Variants in KAZN observed in about 807,000 individuals in gnomAD.
The protein encoded by KAZN is kazrin, periplakin interacting protein, also known as kazrin.
In KAZN, 40 loss-of-function variants were observed where a neutral mutation model predicts 87.4. That is an observed-to-expected ratio of 0.46 (90% CI 0.36 to 0.60). The LOEUF is 0.60. Among genes scored for constraint, KAZN ranks in the 20% least tolerant of loss-of-function variants. The probability of loss-of-function intolerance (pLI) is 0.00; values close to 1 mark genes in which losing one functional copy is unlikely to be tolerated. For synonymous variants in KAZN, 466 were observed against 458.3 expected, an observed-to-expected ratio of 1.02 and a Z score of -0.22; for missense variants, 898 against 1,073.9, an observed-to-expected ratio of 0.84 and a Z score of 2.29.
At chr1:14,912,520 A>G (rs1379590198) in intron 1 of KAZN, among the ~76,000 whole-genome samples, 1 of 152,144 alleles carries the variant, frequency 6.6e-6, no homozygotes, top group East Asian at 1.9e-4. Context: ...AGCTGAAATT[A>G]CAGGTGCACG....
At chr1:14,428,256 A>G in intron 2 of KAZN, among the ~76,000 whole-genome samples, 1 of 152,152 alleles carries the variant, frequency 6.6e-6, no homozygotes, top group East Asian at 1.9e-4. Context: ...ATGAGCTCAG[A>G]GAGGCCCGTG....
chr1:14,726,295 C>A (rs933816226), intron 1 of KAZN, among the ~76,000 whole-genome samples: 1 of 152,214 alleles, frequency 6.6e-6, no homozygotes, highest in African/African-American at 2.4e-5. Flanking sequence ...GCAAAACAAC[C>A]AGGAGAATCA....
intron 2 of KAZN, among the ~76,000 whole-genome samples, chr1:14,391,806 T>C (rs1662459458): frequency 6.6e-6 from 1 of 152,180 alleles, no homozygotes; most frequent in South Asian, 2.1e-4. Context: ...CATTCCTGAG[T>C]AGTTATTTTT....
intron 1 of KAZN, among the ~76,000 whole-genome samples, chr1:14,697,522 C>A (rs554256167): frequency 2.2e-4 from 34 of 152,150 alleles, no homozygotes; most frequent in African/African-American, 7.7e-4. Context: ...TTATGGAATC[C>A]CATTTCTCAT....
chr1:14,716,729 C>G (rs942107781), intron 1 of KAZN, among the ~76,000 whole-genome samples: 2 of 152,172 alleles, frequency 1.3e-5, no homozygotes, highest in Admixed American at 1.3e-4. Flanking sequence ...CCCTAGTTAA[C>G]CTACATCCTC....
chr1:14,723,364 C>T (rs144310682), intron 1 of KAZN, among the ~76,000 whole-genome samples: 1,629 of 152,222 alleles, frequency 0.011, 20 homozygotes, highest in South Asian at 0.058. Context: ...GACAGTGGAC[C>T]AAGCAGGCAA....
chr1:14,956,052 G>T (rs189769342), intron 1 of KAZN, among the ~76,000 whole-genome samples: 20 of 152,280 alleles, frequency 1.3e-4, no homozygotes, highest in African/African-American at 4.1e-4. Flanking sequence ...GCGTCTAGGG[G>T]TGTTTGTTTG....
chr1:14,516,485 C>T (rs1054565960), intron 2 of KAZN, among the ~76,000 whole-genome samples: 2 of 152,190 alleles, frequency 1.3e-5, no homozygotes, highest in African/African-American at 4.8e-5. Flanking sequence ...AGCACATGAC[C>T]CACGTCAGGC....
intron 1 of KAZN, among the ~76,000 whole-genome samples, chr1:14,704,319 C>T (rs75171594): frequency 8.1e-4 from 124 of 152,354 alleles, no homozygotes; most frequent in Non-Finnish European, 1.4e-3. Flanking sequence ...AACTTCTAGA[C>T]CTTCCATCAT....
At chr1:14,133,241 C>T (rs1645028758) in intron 1 of KAZN, among the ~76,000 whole-genome samples, 1 of 151,680 alleles carries the variant, frequency 6.6e-6, no homozygotes, top group African/African-American at 2.4e-5. Flanking sequence ...GTGGTGAGCA[C>T]CTGTAATCCC....
chr1:14,842,982 C>G (rs1648199320), intron 1 of KAZN, among the ~76,000 whole-genome samples: 1 of 152,144 alleles, frequency 6.6e-6, no homozygotes, highest in South Asian at 2.1e-4. Context: ...CAAGAAACAT[C>G]TCTTATAGAC....
At chr1:14,308,154 T>TA (rs1372013257) in intron 2 of KAZN, among the ~76,000 whole-genome samples, 2 of 152,158 alleles carry the variant, frequency 1.3e-5, no homozygotes, top group African/African-American at 4.8e-5. Context: ...TAAAGACAAT[T>TA]AATTGCAATG....
chr1:14,990,616 C>T (rs1466256514), intron 2 of KAZN, among the ~76,000 whole-genome samples: 1 of 152,046 alleles, frequency 6.6e-6, no homozygotes, highest in East Asian at 1.9e-4. Context: ...GCGACAACAG[C>T]AGAGTCATTG....
intron 1 of KAZN, among the ~76,000 whole-genome samples, chr1:14,619,790 T>C (rs1002151509): frequency 1.3e-5 from 2 of 152,224 alleles, no homozygotes; most frequent in Non-Finnish European, 2.9e-5. Flanking sequence ...TCATGCAACA[T>C]GTGACCTTTT....
At chr1:14,379,513 G>T (rs1661194871) in intron 2 of KAZN, among the ~76,000 whole-genome samples, 1 of 152,134 alleles carries the variant, frequency 6.6e-6, no homozygotes, top group African/African-American at 2.4e-5. Flanking sequence ...AGAGACCACT[G>T]TCCTGAAGGG....
At chr1:14,940,368 A>G (rs1660914309) in intron 1 of KAZN, among the ~76,000 whole-genome samples, 1 of 152,184 alleles carries the variant, frequency 6.6e-6, no homozygotes. Flanking sequence ...ATCTCACAGT[A>G]GCATCCACCC....
chr1:15,109,601 A>G (rs1641415736), intron 13 of KAZN, among the ~76,000 whole-genome samples: 1 of 105,756 alleles, frequency 9.5e-6, no homozygotes, highest in Non-Finnish European at 1.9e-5. Flanking sequence ...ATGTATGGGT[A>G]TGTATGGGTA....
chr1:14,301,527 CT>C (rs1654552824), intron 2 of KAZN, among the ~76,000 whole-genome samples: 1 of 152,214 alleles, frequency 6.6e-6, no homozygotes, highest in Non-Finnish European at 1.5e-5. Flanking sequence ...TCTGTCTGAT[CT>C]TGTGATTCAT....
At chr1:14,945,947 G>A (rs1378580972) in intron 1 of KAZN, 3 of 984,874 alleles carry the variant, frequency 3.0e-6, no homozygotes, top group South Asian at 4.7e-5. Flanking sequence ...CAGTGTTGAC[G>A]GAGGGCTCAT....
Sources: gnomAD v4.1 joint callset for allele counts (sites outside exome capture counted in the v4.1 genomes callset) on GRCh38, gnomAD v4.1.1 for gene constraint, MANE v1.5 for transcripts, NCBI Gene and HGNC (gene_info 2026-07-23, HGNC 2026-07-21) for gene names.